The following MAP2K4 variants were observed in gnomAD, a reference collection of about 807,000 sequenced individuals.
MAP2K4 encodes the protein mitogen-activated protein kinase kinase 4, also known as dual specificity mitogen-activated protein kinase kinase 4.
Under a neutral mutation model 48.5 loss-of-function variants are expected in MAP2K4, and 4 were observed. That is an observed-to-expected ratio of 0.08 (90% CI 0.04 to 0.19). MAP2K4 has a LOEUF of 0.19. MAP2K4 is among the 10% of genes least tolerant of loss of function. MAP2K4 has a pLI of 1.00. For synonymous variants in MAP2K4, 166 were observed against 173.1 expected, an observed-to-expected ratio of 0.96 and a Z score of 0.32; for missense variants, 258 against 493.3, an observed-to-expected ratio of 0.52 and a Z score of 4.52.
intron 8 of MAP2K4, among the ~76,000 whole-genome samples, chr17:12,126,415 T>G (rs1266011946): frequency 1.3e-5 from 2 of 152,234 alleles, no homozygotes; most frequent in Non-Finnish European, 2.9e-5. Flanking sequence ...GGCTATAATC[T>G]TATCAAGAAC....
intron 5 of MAP2K4, 87 bp downstream of exon 5, chr17:12,107,996 A>C (rs1162825050): frequency 7.7e-6 from 9 of 1,168,736 alleles, no homozygotes; most frequent in Non-Finnish European, 1.1e-5. Context: ...TTTGAGTGTC[A>C]CTCACAGTAC....
chr17:12,023,616 T>A (rs1024795366), intron 1 of MAP2K4, among the ~76,000 whole-genome samples: 1 of 152,242 alleles, frequency 6.6e-6, no homozygotes, highest in Non-Finnish European at 1.5e-5. Context: ...CATCCTCTTA[T>A]GTGGTAAGCA....
intron 3 of MAP2K4, among the ~76,000 whole-genome samples, chr17:12,089,995 G>A: frequency 6.6e-6 from 1 of 152,176 alleles, no homozygotes; most frequent in East Asian, 1.9e-4. Context: ...CATGTTTGCT[G>A]ATGACTCATA....
chr17:12,054,763 A>T, intron 1 of MAP2K4, 126 bp from the exon 2 acceptor site: 1 of 518,378 alleles, frequency 1.9e-6, no homozygotes, highest in Non-Finnish European at 3.5e-6. Context: ...CTTTCAAAAT[A>T]TTGTCCTATA....
At chr17:12,116,020 A>C in intron 7 of MAP2K4, 1 of 367,806 alleles carries the variant, frequency 2.7e-6, no homozygotes, top group Non-Finnish European at 5.3e-6. Flanking sequence ...AAAAAACCAA[A>C]TGACCGCACT....
chr17:12,045,422 G>A (rs1056299050), intron 1 of MAP2K4, among the ~76,000 whole-genome samples: 5 of 152,178 alleles, frequency 3.3e-5, no homozygotes, highest in Non-Finnish European at 4.4e-5. Context: ...TCTTCAGAGA[G>A]TATCTGATAT....
intron 1 of MAP2K4, among the ~76,000 whole-genome samples, chr17:12,024,676 A>G (rs925899635): frequency 2.0e-5 from 3 of 152,216 alleles, no homozygotes; most frequent in Admixed American, 6.5e-5. Flanking sequence ...TTTATTCTTA[A>G]TGTTTCATCA....
At chr17:12,032,610 A>G (rs575017871) in intron 1 of MAP2K4, among the ~76,000 whole-genome samples, 3 of 152,216 alleles carry the variant, frequency 2.0e-5, no homozygotes, top group Admixed American at 6.5e-5. Flanking sequence ...TACAAGTAGA[A>G]GAGAATTCAC....
chr17:12,115,731 AAT>A, intron 7 of MAP2K4: 2 of 765,656 alleles, frequency 2.6e-6, no homozygotes, highest in Non-Finnish European at 4.9e-6. Flanking sequence ...AAACCACTTA[AAT>A]ACATTGTGAC....
chr17:12,030,075 T>TGTCCCCTTTGCCC (rs1466818628), intron 1 of MAP2K4, among the ~76,000 whole-genome samples: 4 of 152,196 alleles, frequency 2.6e-5, no homozygotes, highest in African/African-American at 9.7e-5. Flanking sequence ...GACTGTTGCT[T>TGTCCCCTTTGCCC]GTCCCCTTTG....
intron 1 of MAP2K4, among the ~76,000 whole-genome samples, chr17:12,040,062 A>G (rs113304896): frequency 2.0e-5 from 3 of 152,300 alleles, no homozygotes; most frequent in African/African-American, 7.2e-5. Context: ...CAGGAGGCAT[A>G]TGATTTCTTG....
intron 2 of MAP2K4, among the ~76,000 whole-genome samples, chr17:12,066,783 G>A (rs1285285294): frequency 6.6e-6 from 1 of 152,080 alleles, no homozygotes; most frequent in Non-Finnish European, 1.5e-5. Context: ...TCCGCCTTCC[G>A]GGTTCACGCC....
chr17:12,030,643 A>G (rs1305077625), intron 1 of MAP2K4, among the ~76,000 whole-genome samples: 4 of 152,200 alleles, frequency 2.6e-5, no homozygotes, highest in Admixed American at 1.3e-4. Context: ...TTATTAAGCA[A>G]TGTAACTTTT....
chr17:12,139,576 A>C (rs536311966), intron 9 of MAP2K4, among the ~76,000 whole-genome samples: 34 of 152,136 alleles, frequency 2.2e-4, no homozygotes, highest in Non-Finnish European at 4.9e-4. Flanking sequence ...GCTATGCCAT[A>C]ATTTAGTCAA....
chr17:12,064,021 GGAGA>G lies in MAP2K4; in HGVS notation c.218+9049_218+9052del, dbSNP rs34670472. 4.0e-3 allele frequency among the ~76,000 whole-genome samples: 374 copies of G among 93,562 alleles called. 2 individuals carry two copies. The highest frequency in any genetic ancestry group is 5.4e-3 in the Non-Finnish European group (261 of 48,702). The allele number at this position is 93,562 out of a possible 152,430, so 61.4% of individuals were successfully genotyped here. A position where few individuals can be genotyped will look rare whatever the true frequency, so the allele number is the denominator to read the frequency against. ...CAGGGAGGAGGAGAGGGGAAGGGGG[GGAGA>G]GAGAGAGAGAGAGAGAGAAAGAGAC... On this transcript the variant is annotated intron_variant, in intron 2 of 10. Transcript: ENST00000353533.
intron 1 of MAP2K4, among the ~76,000 whole-genome samples, chr17:12,023,972 T>G (rs1969175649): frequency 6.6e-6 from 1 of 152,220 alleles, no homozygotes; most frequent in African/African-American, 2.4e-5. Context: ...ATGGTCTCAT[T>G]AATGGTCCCT....
chr17:12,048,595 A>C (rs1970037189), intron 1 of MAP2K4, among the ~76,000 whole-genome samples: 2 of 152,146 alleles, frequency 1.3e-5, no homozygotes, highest in Admixed American at 1.3e-4. Flanking sequence ...CACTTAATAC[A>C]TGGATATATG....
intron 9 of MAP2K4, among the ~76,000 whole-genome samples, chr17:12,133,770 A>G (rs1214892152): frequency 2.0e-5 from 3 of 152,220 alleles, no homozygotes; most frequent in Admixed American, 2.0e-4. Flanking sequence ...ATAAAAAGTC[A>G]CTAGGACGAT....
intron 2 of MAP2K4, among the ~76,000 whole-genome samples, chr17:12,070,816 A>G (rs1970777574): frequency 6.6e-6 from 1 of 152,234 alleles, no homozygotes; most frequent in South Asian, 2.1e-4. Flanking sequence ...CTTTACAGAA[A>G]AAGGTTGTGA....
Sources: allele counts gnomAD v4.1 joint callset (sites outside exome capture counted in the v4.1 genomes callset), GRCh38; gene constraint gnomAD v4.1.1; transcripts MANE v1.5; gene names NCBI Gene and HGNC (gene_info 2026-07-23, HGNC 2026-07-21).